TATDN2: variants seen among roughly 807,000 people sequenced by gnomAD.
TATDN2 encodes TatD DNase domain containing 2.
TATDN2 carries 44 observed loss-of-function variants against 60.3 expected under a neutral mutation model. The observed-to-expected ratio is 0.73, with a 90% confidence interval of 0.57 to 0.94. The LOEUF (loss-of-function observed/expected upper bound fraction) is 0.94, where lower values mean the gene tolerates loss of function less well. TATDN2 is among the 40% of genes least tolerant of loss of function. TATDN2 has a pLI of 0.00. For missense variants in TATDN2, 997 were observed against 948.0 expected, an observed-to-expected ratio of 1.05 and a Z score of -0.68; for synonymous variants, 399 against 355.8, an observed-to-expected ratio of 1.12 and a Z score of -1.37.
rs242374 is a variant in TATDN2 at position 10,276,815 on chromosome 3, C to G, written c.1961+327C>G. Among the ~76,000 whole-genome samples, 651 of 152,334 alleles carry G rather than the reference C, an allele frequency of 4.3e-3. 7 individuals are homozygous for G. Among genetic ancestry groups the G allele is most frequent in the East Asian group, 0.021 (110 of 5,182 alleles). On this transcript the variant is annotated intron_variant, in intron 5 of 7. Transcript: ENST00000448281. ...TGTTGGCCAGGCTGGTCCCGAACTCCTGACCTCGTGATCTGCCTGCCTCGG... is the reference window on the plus strand; with the variant it reads ...TGTTGGCCAGGCTGGTCCCGAACTCGTGACCTCGTGATCTGCCTGCCTCGG...
At position 10,249,564 on chromosome 3, in the gene TATDN2, G is replaced by A; in HGVS notation, c.364G>A (p.Ala122Thr). The change falls in exon 2 of 8, where the codon GCC becomes ACC. Residue 122 changes from alanine to threonine, a missense_variant. Ala to Thr is a moderately conservative substitution (Grantham distance 58, BLOSUM62 0). Coordinates refer to ENST00000448281, the MANE Select transcript of TATDN2 (RefSeq NM_014760.4). ...GGGATCCCCTCTGCGTCCTGCCAAC[G>A]CCTCTTTGGAAGAAATGGCTTCTCT... The part of the protein sequence containing the change: ...SGGSPLRPAN[A>T]SLEEMASLEE... 1.3e-6 allele frequency: 2 copies of A among 1,550,440 alleles called. No individual in the cohort carries two copies. The highest frequency in any genetic ancestry group is 8.7e-7 in the Non-Finnish European group (1 of 1,150,432).
rs1347591559 is a variant in TATDN2 at position 10,260,315 on chromosome 3, C to T, written c.593C>T (p.Ser198Leu). The stretch of plus-strand genomic sequence containing the variant: ...GCTATCCAGGGCATCCTGGGGAAAT[C>T]GATGCCAAAAAGGAAGGGAGAGGCT... ...LKAIQGILGK[S>L]MPKRKGEAAT... Residue 198 changes from serine (S) to leucine (L), a missense_variant, in exon 3 of 8, where the codon TCG (serine) becomes TTG (leucine). By Grantham distance (145) the Ser-to-Leu change is moderately radical (BLOSUM62 -2). Transcript: ENST00000448281. 4.3e-6 allele frequency: 7 copies of T among 1,614,114 alleles called. No homozygotes were observed. The highest frequency in any genetic ancestry group is 2.2e-5 in the South Asian group (2 of 91,076).
rs1010950060 is a variant in TATDN2 at position 10,270,597 on chromosome 3, G to A, written c.1415G>A (p.Arg472His). Residue 472 changes from arginine (R) to histidine (H), a missense_variant, in exon 4 of 8, where the codon CGT (arginine) becomes CAT (histidine). By Grantham distance (29) the Arg-to-His change is conservative. Coordinates refer to ENST00000448281, the MANE Select transcript of TATDN2 (RefSeq NM_014760.4). ...KRTFQEEMPPRPCGGHASSSL... is the reference protein window; with the variant it reads ...KRTFQEEMPPHPCGGHASSSL... ...ACATTCCAAGAGGAGATGCCTCCGC[G>A]TCCTTGTGGAGGACACGCATCCAGC... 16 of 1,614,120 alleles carry A rather than the reference G, an allele frequency of 9.9e-6. No individual in the cohort carries two copies. The highest frequency in any genetic ancestry group is 1.1e-5 in the South Asian group (1 of 91,088).
Position 10,260,165 on chromosome 3 carries a change from C to G in TATDN2, c.443C>G (p.Ser148Cys), listed in dbSNP as rs777843824. The change falls in exon 3 of 8, where the codon TCC becomes TGC. Residue 148 changes from serine to cysteine, a missense_variant. Physicochemically the swap from Ser to Cys is moderately radical, Grantham distance 112 (BLOSUM62 -1). Transcript: ENST00000448281. ...KVDSKDSSHN[S>C]TNSEFAAEAE... ...GATTCCAAAGATAGTTCTCATAACT[C>G]CACAAACTCTGAATTTGCAGCTGAA... The G allele has an allele frequency of 4.3e-6, 7 of 1,613,502 alleles. No individual in the cohort carries two copies. Among genetic ancestry groups the G allele is most frequent in the Non-Finnish European group, 5.9e-6 (7 of 1,179,870 alleles).
At chr3:10,254,119 C>T (rs1301878800) in intron 2 of TATDN2, among the ~76,000 whole-genome samples, 1 of 152,180 alleles carries the variant, frequency 6.6e-6, no homozygotes. Context: ...CTCCACTTGG[C>T]ACATGTCTAG....
intron 4 of TATDN2, among the ~76,000 whole-genome samples, chr3:10,273,879 C>T (rs1190502961): frequency 6.6e-6 from 1 of 152,174 alleles, no homozygotes; most frequent in Non-Finnish European, 1.5e-5. Flanking sequence ...GTAAGTTGCA[C>T]ATGTCAGCAT....
chr3:10,268,556 T>C (rs1698512461), intron 3 of TATDN2, among the ~76,000 whole-genome samples: 1 of 152,242 alleles, frequency 6.6e-6, no homozygotes, highest in Non-Finnish European at 1.5e-5. Context: ...ATTGATGTGC[T>C]TACTGTATTT....
rs780330780 is a variant in TATDN2 at position 10,276,344 on chromosome 3, G to A, written c.1834-17G>A. 14 of 1,612,512 alleles carry A rather than the reference G, an allele frequency of 8.7e-6. No homozygotes were observed. The East Asian group carries it at 8.9e-5, about 10-fold the overall frequency. ...GTGCTGCTAACCAACAGGGGTTGTC[G>A]CTGTGTCCTCTCCTAGGTATTTGAG... On this transcript the variant is annotated splice_polypyrimidine_tract_variant and intron_variant, in intron 4 of 7. Coordinates refer to ENST00000448281, the MANE Select transcript of TATDN2 (RefSeq NM_014760.4).
chr3:10,270,349 C>T lies in TATDN2; in HGVS notation c.1167C>T (p.Ser389=). ...WCDYASYWTS[S]PKPSSYPSTG... is the part of the protein sequence containing the mutation. Reference sequence around the variant, plus strand: ...ACTACGCCAGCTATTGGACCAGCAGCCCCAAGCCTTCTAGCTACCCCTCCA... The same window carrying T: ...ACTACGCCAGCTATTGGACCAGCAGTCCCAAGCCTTCTAGCTACCCCTCCA... Residue 389 remains serine, a synonymous_variant, in exon 4 of 8, where the codon AGC becomes AGT. Coordinates refer to ENST00000448281, the MANE Select transcript of TATDN2 (RefSeq NM_014760.4). The T allele has an allele frequency of 4.3e-6, 7 of 1,614,168 alleles. No homozygotes were observed. The highest frequency in any genetic ancestry group is 5.9e-6 in the Non-Finnish European group (7 of 1,180,030).
Position 10,262,390 on chromosome 3 carries a change from C to T in TATDN2, c.948+1720C>T, listed in dbSNP as rs554862640. On this transcript the variant is annotated intron_variant, in intron 3 of 7. Coordinates refer to ENST00000448281, the MANE Select transcript of TATDN2 (RefSeq NM_014760.4). ...TCTTGAGAAAGGGTACATGGAGAAA[C>T]TTTTTTTGGTAAACATGTGTCTGAG... Among the ~76,000 whole-genome samples, 308 of 152,224 alleles carry T rather than the reference C, an allele frequency of 2.0e-3. 2 individuals are homozygous for T. Among genetic ancestry groups the T allele is most frequent in the Non-Finnish European group, 3.1e-3 (211 of 68,010 alleles).
rs559169526 is a variant in TATDN2, at chr3:10,258,736, C to T, written c.415-1401C>T. Among the ~76,000 whole-genome samples the T allele has an allele frequency of 2.3e-3, 293 of 125,114 alleles. 1 individual carries two copies. Among genetic ancestry groups the T allele is most frequent in the African/African-American group, 7.8e-3 (276 of 35,182 alleles). 82.1% of individuals were successfully genotyped at this position (125,114 alleles called of 152,430 possible). A position where few individuals can be genotyped will look rare whatever the true frequency, so the allele number is the denominator to read the frequency against. On this transcript the variant is annotated intron_variant, in intron 2 of 7. Coordinates refer to ENST00000448281, the MANE Select transcript of TATDN2 (RefSeq NM_014760.4). ...CCACTTGCCTCGGCCTCCCAAAGTG[C>T]TGGGATTACAGGTGTGAGGCACTGC...
rs1248536574 is a variant in TATDN2 at position 10,270,644 on chromosome 3, G to C, written c.1462G>C (p.Glu488Gln). Residue 488 changes from glutamate (E) to glutamine (Q), a missense_variant, in exon 4 of 8, where the codon GAG (glutamate) becomes CAG (glutamine). Physicochemically the swap from Glu to Gln is conservative, Grantham distance 29. Transcript: ENST00000448281. ...CAGCTCCCTGCCAAAGAGCCACCTG[G>C]AGCCAAGCCTAGAGGAGGGCTTCAT... Reference protein sequence around the residue: ...ASSSLPKSHLEPSLEEGFIDT... With the variant: ...ASSSLPKSHLQPSLEEGFIDT... The C allele has an allele frequency of 1.2e-6, 2 of 1,614,226 alleles. No homozygotes were observed. The highest frequency in any genetic ancestry group is 2.2e-5 in the East Asian group (1 of 44,892).
At position 10,249,284 on chromosome 3, in the gene TATDN2, G is replaced by A. The variant is rs374113079; in HGVS notation, c.84G>A (p.Glu28=). The change falls in exon 2 of 8, where the codon GAG becomes GAA. Residue 28 remains glutamate (E), a synonymous_variant. Transcript: ENST00000448281. ...CCCGCAAGCGCAGCTGCCTCCGGGA[G>A]CCCTGTGATGTGGCCCCCTCCAGCC... The part of the protein sequence containing the change: ...GCPRKRSCLR[E]PCDVAPSSRP... 1.2e-5 allele frequency: 19 copies of A among 1,598,226 alleles called. No homozygotes were observed. The African/African-American group carries it at 2.6e-4, about 21-fold the overall frequency.
chr3:10,277,183 T>G (rs1698652070), intron 5 of TATDN2, among the ~76,000 whole-genome samples: 1 of 152,186 alleles, frequency 6.6e-6, no homozygotes, highest in African/African-American at 2.4e-5. Flanking sequence ...CTTTCCTCTT[T>G]TGAACTTGAA....
chr3:10,278,139 G>A lies in TATDN2; in HGVS notation c.1962-140G>A, dbSNP rs1191546563. ...CCTGTGTTGGAGCCAGCCCTTGTCT[G>A]TGTTTACTGTGGAGTCCTTCCCTAG... On this transcript the variant is annotated intron_variant, in intron 5 of 7. Transcript: ENST00000448281. The surrounding 1 kb of genome is among the most constrained non-coding windows in gnomAD (Gnocchi z 4.7). The A allele has an allele frequency of 1.0e-6, 1 of 989,336 alleles. No individual in the cohort carries two copies. Among genetic ancestry groups the A allele is most frequent in the Non-Finnish European group, 1.5e-6 (1 of 665,078 alleles). The allele number at this position is 989,336 out of a possible 1,614,324, so 61.3% of individuals were successfully genotyped here.
chr3:10,254,036 G>A (rs1172015059), intron 2 of TATDN2, among the ~76,000 whole-genome samples: 1 of 152,236 alleles, frequency 6.6e-6, no homozygotes, highest in African/African-American at 2.4e-5. Flanking sequence ...GGGTGAGTTA[G>A]CCCAGGCACA....
chr3:10,279,449 T>C lies in TATDN2; in HGVS notation c.*267T>C, dbSNP rs953974493. 1 of 177,814 alleles carries C rather than the reference T, an allele frequency of 5.6e-6. No homozygotes were observed. The highest frequency in any genetic ancestry group is 1.2e-5 in the Non-Finnish European group (1 of 83,682). 11.0% of individuals were successfully genotyped at this position (177,814 alleles called of 1,614,324 possible). On this transcript the variant is annotated 3_prime_UTR_variant, in exon 8 of 8. Transcript: ENST00000448281. ...GGATTTTGCCTCCCAGCCAAAATGC[T>C]CCAGGGTAGGCAGCAAAGAAGAAAG... is the stretch of plus-strand genomic sequence containing the variant.
rs199956355 is a variant in TATDN2, at chr3:10,266,931, C to CTTTTTTTTTTTT, written c.949-3194_949-3183dup. Among the ~76,000 whole-genome samples, 286 of 126,796 alleles carry CTTTTTTTTTTTT rather than the reference C, an allele frequency of 2.3e-3. 2 individuals carry two copies. The highest frequency in any genetic ancestry group is 2.4e-3 in the African/African-American group (82 of 34,672). The allele number at this position is 126,796 out of a possible 152,430, so 83.2% of individuals were successfully genotyped here. ...ACAGGCTTAAACTAACTAAGGCAGT[C>CTTTTTTTTTTTT]TTTTTTTTTTTTTTTTTGAGACAGA... On this transcript the variant is annotated intron_variant, in intron 3 of 7. Transcript: ENST00000448281.
chr3:10,261,728 C>G (rs1357985885), intron 3 of TATDN2, among the ~76,000 whole-genome samples: 1 of 152,212 alleles, frequency 6.6e-6, no homozygotes. Flanking sequence ...GGCAGCTTCT[C>G]TCATCTTTAG....
Sources: allele counts gnomAD v4.1 joint callset (sites outside exome capture counted in the v4.1 genomes callset), GRCh38; gene constraint gnomAD v4.1.1; non-coding constraint Gnocchi (gnomAD v3.1); transcripts MANE v1.5; gene names NCBI Gene and HGNC (gene_info 2026-07-23, HGNC 2026-07-21).